The following DAB1 variants were observed in gnomAD, a reference collection of about 807,000 sequenced individuals.
The protein encoded by DAB1 is disabled homolog 1.
A neutral mutation model predicts 64.6 loss-of-function variants in DAB1; 15 were observed. That is an observed-to-expected ratio of 0.23 (90% CI 0.16 to 0.36). DAB1 has a LOEUF of 0.36. Ranked by LOEUF, DAB1 falls within the 10% of genes least tolerant of loss-of-function variation. The probability of loss-of-function intolerance (pLI) is 1.00; values close to 1 mark genes in which losing one functional copy is unlikely to be tolerated. For missense variants in DAB1, 596 were observed against 706.7 expected (o/e 0.84, Z 1.78); for synonymous variants, 235 against 251.9 (o/e 0.93, Z 0.64).
At chr1:57,700,608 A>G (rs966237859) in intron 6 of DAB1, among the ~76,000 whole-genome samples, 1 of 152,122 alleles carries the variant, frequency 6.6e-6, no homozygotes, top group African/African-American at 2.4e-5. Context: ...TTCTGCTTTT[A>G]GTATCTTCTC....
intron 6 of DAB1, among the ~76,000 whole-genome samples, chr1:57,759,938 C>T (rs575410240): frequency 6.6e-5 from 10 of 152,122 alleles, no homozygotes; most frequent in East Asian, 5.8e-4. Context: ...CGCATTGGAA[C>T]GTATACAGGG....
At chr1:58,131,662 G>A (rs1209231830) in intron 5 of DAB1, among the ~76,000 whole-genome samples, 1 of 140,000 alleles carries the variant, frequency 7.1e-6, no homozygotes, top group Non-Finnish European at 1.5e-5. Flanking sequence ...CTGTTTGTTA[G>A]TTTTCCTTCT....
intron 4 of DAB1, among the ~76,000 whole-genome samples, chr1:58,229,343 G>A (rs952451839): frequency 6.6e-6 from 1 of 152,170 alleles, no homozygotes; most frequent in African/African-American, 2.4e-5. Flanking sequence ...AAATAGGTAC[G>A]AGTAAAGGCA....
Position 57,136,557 on chromosome 1 carries a change from C to A in DAB1, c.292G>T (p.Asp98Tyr). The change falls in exon 4 of 15, where the codon GAT becomes TAT. Residue 98 changes from aspartate (D) to tyrosine (Y), a missense_variant. Coordinates refer to ENST00000371236, the MANE Select transcript of DAB1 (RefSeq NM_001365792.1). The stretch of plus-strand genomic sequence containing the variant: ...GCTTTACTTACCCCTGTCTTCTCAT[C>A]AAAGATTTTGATTCCTCCAAAGGAG... ...TISFGGIKIF[D>Y]EKTGALQHHH... 1 of 1,498,282 alleles carries A rather than the reference C, an allele frequency of 6.7e-7. No homozygotes were observed. The allele number at this position is 1,498,282 out of a possible 1,614,324, so 92.8% of individuals were successfully genotyped here. A position where few individuals can be genotyped will look rare whatever the true frequency, so the allele number is the denominator to read the frequency against.
intron 6 of DAB1, among the ~76,000 whole-genome samples, chr1:57,695,079 C>T (rs141678698): frequency 3.6e-4 from 54 of 151,510 alleles, no homozygotes; most frequent in East Asian, 1.7e-3. Context: ...CATAAATTAG[C>T]GGGGCAAGGT....
At chr1:57,105,008 T>A (rs1002284444) in intron 4 of DAB1, among the ~76,000 whole-genome samples, 2 of 152,014 alleles carry the variant, frequency 1.3e-5, no homozygotes, top group Admixed American at 6.6e-5. Flanking sequence ...ACCCTTGCAG[T>A]AAACTCCAAC....
At chr1:57,459,788 C>T (rs1230341112) in intron 7 of DAB1, among the ~76,000 whole-genome samples, 1 of 152,202 alleles carries the variant, frequency 6.6e-6, no homozygotes, top group Non-Finnish European at 1.5e-5. Context: ...CCCACATATC[C>T]TCTCTCCTCT....
chr1:57,606,557 T>TA (rs1318971201), intron 7 of DAB1, among the ~76,000 whole-genome samples: 8 of 109,178 alleles, frequency 7.3e-5, no homozygotes, highest in African/African-American at 2.6e-4. Context: ...ATATAATATA[T>TA]TATATATTAT....
At chr1:58,335,577 A>T (rs28688309) in intron 4 of DAB1, among the ~76,000 whole-genome samples, 9,280 of 149,576 alleles carry the variant, frequency 0.062, 382 homozygotes, top group East Asian at 0.23. Flanking sequence ...ATGTGGGTGT[A>T]GGCATTAGCC....
At chr1:58,151,082 C>T (rs1158742169) in intron 4 of DAB1, among the ~76,000 whole-genome samples, 3 of 152,142 alleles carry the variant, frequency 2.0e-5, no homozygotes, top group African/African-American at 2.4e-5. Flanking sequence ...TTTCTTAATC[C>T]GGTCTATCAT....
chr1:58,450,478 G>A (rs1280468212), intron 3 of DAB1, among the ~76,000 whole-genome samples: 1 of 152,136 alleles, frequency 6.6e-6, no homozygotes, highest in Non-Finnish European at 1.5e-5. Context: ...AGGAAAAATC[G>A]AACAGTTGGC....
chr1:58,333,543 C>T (rs931242908), intron 4 of DAB1, among the ~76,000 whole-genome samples: 1 of 152,226 alleles, frequency 6.6e-6, no homozygotes, highest in Non-Finnish European at 1.5e-5. Flanking sequence ...TATGGGTGCA[C>T]ACGCACACTT....
At chr1:57,251,412 T>G (rs1176169992) in intron 2 of DAB1, among the ~76,000 whole-genome samples, 1 of 152,212 alleles carries the variant, frequency 6.6e-6, no homozygotes, top group Non-Finnish European at 1.5e-5. Flanking sequence ...CGTTTCATCT[T>G]ATAGGCAGAT....
rs546623830 is a variant in DAB1 at position 57,644,354 on chromosome 1, A to G, written n.625+5238T>C. ...CAGGACTGAAAAACATTTTTGGATTACAAGGTTAATTTCTTTTTTGCTGTA... is the reference window on the plus strand; with the variant it reads ...CAGGACTGAAAAACATTTTTGGATTGCAAGGTTAATTTCTTTTTTGCTGTA... On this transcript the variant is annotated intron_variant and non_coding_transcript_variant, in intron 7 of 20. Coordinates refer to the DAB1 transcript ENST00000485760. Among the ~76,000 whole-genome samples the G allele has an allele frequency of 5.9e-5, 9 of 152,306 alleles. No homozygotes were observed. In the South Asian group the frequency reaches 1.5e-3, roughly 25 times the overall value.
rs1398333927 is a variant in DAB1 at position 58,262,681 on chromosome 1, G to A, written n.309+80671C>T. 2.0e-5 allele frequency among the ~76,000 whole-genome samples: 3 copies of A among 152,220 alleles called. No individual in the cohort carries two copies. In the East Asian group the frequency reaches 5.8e-4, roughly 29 times the overall value. On this transcript the variant is annotated intron_variant and non_coding_transcript_variant, in intron 4 of 20. Coordinates refer to the DAB1 transcript ENST00000485760. ...TAACATCTTCCTAAAGCAGTCATTAGGACTGGACTGTTAATGAGTATTTGA... is the reference window on the plus strand; with the variant it reads ...TAACATCTTCCTAAAGCAGTCATTAAGACTGGACTGTTAATGAGTATTTGA...
At chr1:57,315,635 T>A (rs1483338630) in intron 1 of DAB1, among the ~76,000 whole-genome samples, 1 of 152,110 alleles carries the variant, frequency 6.6e-6, no homozygotes, top group East Asian at 1.9e-4. Flanking sequence ...CCCGAGTAGC[T>A]GGGACTACAA....
rs553638528 is a variant in DAB1, at chr1:58,367,374, A to G, written n.258-23971T>C. Reference sequence around the variant, plus strand: ...CTACTTAGACAGAACACTTCATCCCAGGACAGCAGCCAGCTTCTGTCCTCA... The same window carrying G: ...CTACTTAGACAGAACACTTCATCCCGGGACAGCAGCCAGCTTCTGTCCTCA... On this transcript the variant is annotated intron_variant and non_coding_transcript_variant, in intron 3 of 20. Coordinates refer to the DAB1 transcript ENST00000485760. Among the ~76,000 whole-genome samples, 8 of 152,350 alleles carry G rather than the reference A, an allele frequency of 5.3e-5. No homozygotes were observed. The South Asian group carries it at 1.4e-3, about 28-fold the overall frequency.
intron 3 of DAB1, among the ~76,000 whole-genome samples, chr1:57,143,157 C>T (rs184894770): frequency 4.7e-4 from 72 of 152,242 alleles, no homozygotes; most frequent in Non-Finnish European, 5.1e-4. Context: ...ATCTCATGCA[C>T]GAGTCATGGG....
intron 1 of DAB1, among the ~76,000 whole-genome samples, chr1:57,330,295 T>C (rs1676545492): frequency 6.6e-6 from 1 of 152,198 alleles, no homozygotes. Context: ...AATATTGCAT[T>C]TGGCTCTGAA....
Sources: allele counts gnomAD v4.1 joint callset (sites outside exome capture counted in the v4.1 genomes callset), GRCh38; gene constraint gnomAD v4.1.1; transcripts MANE v1.5; gene names NCBI Gene and HGNC (gene_info 2026-07-23, HGNC 2026-07-21).